The following VPS13B variants were observed in gnomAD, a reference collection of about 807,000 sequenced individuals.
The protein encoded by VPS13B is vacuolar protein sorting 13 homolog B.
VPS13B carries 285 observed loss-of-function variants against 426.4 expected under a neutral mutation model. That is an observed-to-expected ratio of 0.67 (90% CI 0.61 to 0.74). VPS13B has a LOEUF of 0.74. VPS13B is among the 30% of genes least tolerant of loss of function. VPS13B has a pLI of 0.00. For missense variants in VPS13B, 4,537 were observed against 4,782.6 expected (o/e 0.95, Z 1.51); for synonymous variants, 1,676 against 1,676.4 (o/e 1.00, Z 0.01).
intron 3 of VPS13B, among the ~76,000 whole-genome samples, chr8:99,087,789 A>G (rs938551652): frequency 6.6e-6 from 1 of 152,010 alleles, no homozygotes; most frequent in African/African-American, 2.4e-5. Flanking sequence ...AAGTCTTTAT[A>G]TAACTGATCT....
chr8:99,833,620 T>C lies in VPS13B; in HGVS notation c.9614+968T>C, dbSNP rs373192829. On this transcript the variant is annotated intron_variant, in intron 52 of 61. Coordinates refer to ENST00000357162, the MANE Select transcript of VPS13B (RefSeq NM_152564.5). ...TTACACTGTAGAGGAGTGGTTATCC[T>C]TACATTCTGGTTGGAGATGTTAAGC... is the stretch of plus-strand genomic sequence containing the variant. Among the ~76,000 whole-genome samples the C allele has an allele frequency of 3.9e-5, 6 of 152,356 alleles. No individual in the cohort carries two copies. In the South Asian group the frequency reaches 1.2e-3, roughly 32 times the overall value.
chr8:99,659,064 G>A (rs1023863110), intron 34 of VPS13B, among the ~76,000 whole-genome samples: 7 of 151,956 alleles, frequency 4.6e-5, no homozygotes, highest in African/African-American at 1.7e-4. Context: ...CAAACTCCTG[G>A]GTTCAAGCAA....
chr8:99,421,232 A>C (rs533357835), intron 21 of VPS13B, among the ~76,000 whole-genome samples: 2 of 152,272 alleles, frequency 1.3e-5, no homozygotes, highest in East Asian at 3.9e-4. Flanking sequence ...ATAATTGTTG[A>C]TATGTTATTT....
At chr8:99,217,768 A>T (rs561723465) in intron 17 of VPS13B, among the ~76,000 whole-genome samples, 1 of 152,334 alleles carries the variant, frequency 6.6e-6, no homozygotes, top group East Asian at 1.9e-4. Context: ...ATGGAAAAAG[A>T]AAGCTACTAG....
At chr8:99,196,114 G>T (rs1029147774) in intron 17 of VPS13B, among the ~76,000 whole-genome samples, 1 of 151,934 alleles carries the variant, frequency 6.6e-6, no homozygotes, top group Non-Finnish European at 1.5e-5. Flanking sequence ...GATAGGGGTC[G>T]CATTGAATTT....
At chr8:99,349,062 G>A (rs1811709840) in intron 19 of VPS13B, among the ~76,000 whole-genome samples, 2 of 151,564 alleles carry the variant, frequency 1.3e-5, no homozygotes. Context: ...GGCCGGGCGC[G>A]GTGGCTCACG....
intron 17 of VPS13B, among the ~76,000 whole-genome samples, chr8:99,228,132 A>G (rs546100351): frequency 1.4e-4 from 22 of 152,342 alleles, no homozygotes; most frequent in Admixed American, 9.1e-4. Flanking sequence ...ACTGAATTTA[A>G]AAAAATAAAA....
At chr8:99,140,706 TCTC>T (rs1453440122) in intron 12 of VPS13B, among the ~76,000 whole-genome samples, 2 of 128,706 alleles carry the variant, frequency 1.6e-5, no homozygotes, top group Non-Finnish European at 3.2e-5. Context: ...TCCTCCTCCT[TCTC>T]CTTCTTTGTG....
intron 18 of VPS13B, 81 bp from the exon 19 acceptor site, chr8:99,275,000 T>G: frequency 1.7e-6 from 2 of 1,166,802 alleles, no homozygotes; most frequent in Non-Finnish European, 2.4e-6. Context: ...TATATTATGG[T>G]GTTAGTATAT....
At chr8:99,838,196 G>C (rs1359914941) in intron 54 of VPS13B, among the ~76,000 whole-genome samples, 2 of 152,194 alleles carry the variant, frequency 1.3e-5, no homozygotes, top group Non-Finnish European at 2.9e-5. Flanking sequence ...GACATCTCAT[G>C]GTTATTCAAC....
chr8:99,186,198 A>G (rs925132593), intron 16 of VPS13B, among the ~76,000 whole-genome samples: 1 of 152,136 alleles, frequency 6.6e-6, no homozygotes, highest in Admixed American at 6.5e-5. Context: ...AACTGTTAAA[A>G]TGGAAATTTA....
At chr8:99,681,017 C>T (rs1031382496) in intron 35 of VPS13B, among the ~76,000 whole-genome samples, 2 of 152,106 alleles carry the variant, frequency 1.3e-5, no homozygotes, top group African/African-American at 4.8e-5. Flanking sequence ...AAATACCAGA[C>T]ACTATTTTTG....
intron 2 of VPS13B, among the ~76,000 whole-genome samples, chr8:99,024,900 C>T (rs1842060689): frequency 6.6e-6 from 1 of 152,040 alleles, no homozygotes; most frequent in African/African-American, 2.4e-5. Flanking sequence ...ATTTTAACAA[C>T]AGTTTTTCCA....
At chr8:99,295,334 G>A (rs1388823294) in intron 19 of VPS13B, among the ~76,000 whole-genome samples, 1 of 152,156 alleles carries the variant, frequency 6.6e-6, no homozygotes, top group Admixed American at 6.6e-5. Flanking sequence ...AAGAGGTTAA[G>A]TAATGGATTT....
intron 54 of VPS13B, among the ~76,000 whole-genome samples, chr8:99,837,509 C>T (rs868360786): frequency 1.5e-4 from 23 of 152,210 alleles, no homozygotes; most frequent in South Asian, 6.2e-4. Context: ...TCCTGTCAAA[C>T]CTTATTTTGG....
chr8:99,751,345 T>C (rs1810384632), intron 39 of VPS13B, among the ~76,000 whole-genome samples: 1 of 152,186 alleles, frequency 6.6e-6, no homozygotes, highest in Non-Finnish European at 1.5e-5. Context: ...AGAAGATCTC[T>C]TCCACTGATA....
chr8:99,526,129 C>T (rs1033344301), intron 30 of VPS13B, among the ~76,000 whole-genome samples: 1 of 151,822 alleles, frequency 6.6e-6, no homozygotes, highest in Admixed American at 6.6e-5. Context: ...GGATCACCAG[C>T]AGGGACTAGA....
At chr8:99,739,215 C>T (rs1833963061) in intron 39 of VPS13B, among the ~76,000 whole-genome samples, 1 of 152,236 alleles carries the variant, frequency 6.6e-6, no homozygotes, top group South Asian at 2.1e-4. Context: ...CCCGTGGAGC[C>T]TCGCTCATTG....
chr8:99,470,786 G>A (rs974802767), intron 24 of VPS13B, among the ~76,000 whole-genome samples: 1 of 150,524 alleles, frequency 6.6e-6, no homozygotes, highest in Admixed American at 6.6e-5. Flanking sequence ...TAGTCTTTAC[G>A]CATCCAAGAA....
Sources: gnomAD v4.1 joint callset for allele counts (sites outside exome capture counted in the v4.1 genomes callset) on GRCh38, gnomAD v4.1.1 for gene constraint, MANE v1.5 for transcripts, NCBI Gene and HGNC (gene_info 2026-07-23, HGNC 2026-07-21) for gene names.